ULK4: variants seen among roughly 807,000 people sequenced by gnomAD.
The protein encoded by ULK4 is unc-51 like kinase 4.
A neutral mutation model predicts 160.6 loss-of-function variants in ULK4; 133 were observed. That is an observed-to-expected ratio of 0.83 (90% CI 0.72 to 0.96). The LOEUF is 0.96. Among genes scored for constraint, ULK4 ranks in the 40% least tolerant of loss-of-function variants. ULK4 has a pLI of 0.00. For synonymous variants in ULK4, 534 were observed against 539.8 expected (o/e 0.99, Z 0.15); for missense variants, 1,580 against 1,499.5 (o/e 1.05, Z -0.89).
chr3:41,459,865 C>A (rs2083642975), intron 33 of ULK4, among the ~76,000 whole-genome samples: 1 of 152,130 alleles, frequency 6.6e-6, no homozygotes, highest in Non-Finnish European at 1.5e-5. Context: ...TGGGGCTCGA[C>A]TGTATAAGCC....
chr3:41,369,793 C>CA (rs555783980), intron 35 of ULK4, among the ~76,000 whole-genome samples: 22,323 of 97,814 alleles, frequency 0.23, 2,321 homozygotes, highest in African/African-American at 0.37. Flanking sequence ...GACTATGTCT[C>CA]AAAAAAAAAA....
intron 35 of ULK4, among the ~76,000 whole-genome samples, chr3:41,285,775 T>C (rs1303855383): frequency 6.6e-6 from 1 of 152,196 alleles, no homozygotes; most frequent in African/African-American, 2.4e-5. Context: ...CAAAATATCA[T>C]TTCTACCTAG....
intron 20 of ULK4, among the ~76,000 whole-genome samples, chr3:41,793,784 A>G (rs2040217281): frequency 6.6e-6 from 1 of 152,196 alleles, no homozygotes; most frequent in African/African-American, 2.4e-5. Flanking sequence ...TATAATCCCA[A>G]TAAGTCTAAG....
intron 35 of ULK4, among the ~76,000 whole-genome samples, chr3:41,301,093 T>C (rs549385335): frequency 1.1e-4 from 16 of 151,658 alleles, no homozygotes; most frequent in African/African-American, 3.6e-4. Context: ...GGCTGCTGTA[T>C]TTCACTACAA....
intron 30 of ULK4, among the ~76,000 whole-genome samples, chr3:41,632,720 C>T (rs1575503795): frequency 6.9e-6 from 1 of 145,792 alleles, no homozygotes; most frequent in East Asian, 1.9e-4. Flanking sequence ...TATGTGCTAA[C>T]TCACTGGATT....
intron 34 of ULK4, among the ~76,000 whole-genome samples, chr3:41,409,579 A>C (rs999507623): frequency 1.3e-5 from 2 of 152,230 alleles, no homozygotes; most frequent in Admixed American, 6.5e-5. Flanking sequence ...ACTTTAACAG[A>C]TATTTCTCCA....
chr3:41,692,565 G>T (rs1401221273), intron 27 of ULK4, among the ~76,000 whole-genome samples: 3 of 149,862 alleles, frequency 2.0e-5, no homozygotes, highest in African/African-American at 7.4e-5. Flanking sequence ...ATATTTAATG[G>T]TATTAAAATA....
chr3:41,333,878 T>C (rs1372141987), intron 35 of ULK4, among the ~76,000 whole-genome samples: 2 of 152,096 alleles, frequency 1.3e-5, no homozygotes, highest in Non-Finnish European at 2.9e-5. Context: ...CCAAAGAAGC[T>C]TGGGCCATGG....
chr3:41,825,516 C>A (rs56290142), intron 18 of ULK4, among the ~76,000 whole-genome samples: 10,995 of 152,206 alleles, frequency 0.072, 1,253 homozygotes, highest in African/African-American at 0.24. Flanking sequence ...GTGACAAAGG[C>A]GCAAGCCTCG....
chr3:41,553,151 T>A (rs183232021), intron 32 of ULK4, among the ~76,000 whole-genome samples: 1 of 151,988 alleles, frequency 6.6e-6, no homozygotes, highest in African/African-American at 2.4e-5. Flanking sequence ...ATAATATTAC[T>A]AGAAAAAAAT....
At chr3:41,499,077 CTAAG>C (rs1161531031) in intron 32 of ULK4, among the ~76,000 whole-genome samples, 1 of 152,136 alleles carries the variant, frequency 6.6e-6, no homozygotes, top group African/African-American at 2.4e-5. Context: ...ATGCAAACAA[CTAAG>C]TATTACATTA....
intron 20 of ULK4, 89 bp from the exon 21 acceptor site, chr3:41,789,932 G>T: frequency 8.2e-7 from 1 of 1,212,512 alleles, no homozygotes; most frequent in Non-Finnish European, 1.1e-6. Flanking sequence ...GTGTCAAGGA[G>T]TAGAAGGTGC....
In ULK4 at chr3:41,926,391, G is replaced by T. The variant is rs183844544; in HGVS notation, c.541+5453C>A. Among the ~76,000 whole-genome samples, 150 of 152,270 alleles carry T rather than the reference G, an allele frequency of 9.9e-4. 1 individual carries two copies. Among genetic ancestry groups the T allele is most frequent in the African/African-American group, 3.4e-3 (143 of 41,566 alleles). On this transcript the variant is annotated intron_variant, in intron 5 of 36. Coordinates refer to ENST00000301831, the MANE Select transcript of ULK4 (RefSeq NM_017886.4). ...GTAGATAAATCCACAAAGATGGAGAGAAACCAGCACAAAAACGCTGAAAAT... is the reference window on the plus strand; with the variant it reads ...GTAGATAAATCCACAAAGATGGAGATAAACCAGCACAAAAACGCTGAAAAT...
intron 32 of ULK4, among the ~76,000 whole-genome samples, chr3:41,510,712 A>G (rs1476158267): frequency 6.6e-6 from 1 of 152,240 alleles, no homozygotes; most frequent in Non-Finnish European, 1.5e-5. Flanking sequence ...TGGTTATTAA[A>G]TAATCTGCTC....
intron 18 of ULK4, among the ~76,000 whole-genome samples, chr3:41,830,920 C>G (rs1437550380): frequency 6.6e-6 from 1 of 151,856 alleles, no homozygotes; most frequent in East Asian, 1.9e-4. Context: ...AATAAATTCT[C>G]CAGCCCTATC....
intron 31 of ULK4, among the ~76,000 whole-genome samples, chr3:41,586,995 G>C (rs1053922541): frequency 1.3e-5 from 2 of 152,236 alleles, no homozygotes; most frequent in East Asian, 1.9e-4. Flanking sequence ...TTCAAGGCAG[G>C]CTCAACGGGT....
At chr3:41,775,855 T>C (rs2039595033) in intron 21 of ULK4, among the ~76,000 whole-genome samples, 1 of 150,972 alleles carries the variant, frequency 6.6e-6, no homozygotes, top group Non-Finnish European at 1.5e-5. Context: ...TCAATCTAGT[T>C]TGTTCATTTC....
At chr3:41,516,682 T>G (rs1473070447) in intron 32 of ULK4, among the ~76,000 whole-genome samples, 1 of 109,510 alleles carries the variant, frequency 9.1e-6, no homozygotes, top group Non-Finnish European at 1.7e-5. Flanking sequence ...TACCAGAGGC[T>G]AGGAAGAGCA....
rs143158472 is a variant in ULK4 at position 41,328,508 on chromosome 3, A to G, written c.3678+69571T>C. Among the ~76,000 whole-genome samples the G allele has an allele frequency of 3.1e-3, 475 of 152,242 alleles. 2 individuals carry two copies. Among genetic ancestry groups the G allele is most frequent in the African/African-American group, 0.011 (448 of 41,548 alleles). ...AAATGAGAGAGGCAAGAGCAGAGAG[A>G]GGTGACTGCAACATACTGATAGTTT... On this transcript the variant is annotated intron_variant, in intron 35 of 36. Transcript: ENST00000301831.
Sources: gnomAD v4.1 joint callset for allele counts (sites outside exome capture counted in the v4.1 genomes callset) on GRCh38, gnomAD v4.1.1 for gene constraint, MANE v1.5 for transcripts, NCBI Gene and HGNC (gene_info 2026-07-23, HGNC 2026-07-21) for gene names.